USH2A: variants seen among roughly 807,000 people sequenced by gnomAD.
The protein encoded by USH2A is usherin.
A neutral mutation model predicts 538.9 loss-of-function variants in USH2A; 443 were observed. The ratio of observed to expected loss-of-function variants is 0.82; its 90% CI spans 0.76 to 0.89. The LOEUF (loss-of-function observed/expected upper bound fraction) is 0.89. Ranked by LOEUF, USH2A falls within the 40% of genes least tolerant of loss-of-function variation. The pLI, the probability that USH2A is intolerant of heterozygous loss-of-function variation, is 0.00. For missense variants in USH2A, 6,633 were observed against 6,324.8 expected (o/e 1.05, Z -1.65); for synonymous variants, 2,413 against 2,273.5 (o/e 1.06, Z -1.75).
chr1:215,755,695 C>T (rs931761959), intron 58 of USH2A, among the ~76,000 whole-genome samples: 4 of 152,206 alleles, frequency 2.6e-5, no homozygotes, highest in East Asian at 3.9e-4. Flanking sequence ...GATTTATTAA[C>T]CATTGGTTAA....
At chr1:216,033,422 C>G (rs1447888600) in intron 32 of USH2A, among the ~76,000 whole-genome samples, 19 of 152,098 alleles carry the variant, frequency 1.2e-4, no homozygotes, top group Admixed American at 1.2e-3. Context: ...AAATTCCAGT[C>G]AGAGTGAACA....
chr1:216,315,068 C>T (rs1001420809), intron 9 of USH2A, among the ~76,000 whole-genome samples: 5 of 152,132 alleles, frequency 3.3e-5, no homozygotes, highest in Admixed American at 2.0e-4. Flanking sequence ...TTCTATTCAA[C>T]ACTTGAACTC....
intron 38 of USH2A, among the ~76,000 whole-genome samples, chr1:215,924,354 T>C (rs1372263933): frequency 6.6e-6 from 1 of 152,106 alleles, no homozygotes; most frequent in African/African-American, 2.4e-5. Context: ...ATGCTGCTGA[T>C]GAAAAGAGGT....
chr1:216,398,799 G>A (rs2039260292), intron 3 of USH2A, among the ~76,000 whole-genome samples: 1 of 152,174 alleles, frequency 6.6e-6, no homozygotes, highest in Non-Finnish European at 1.5e-5. Flanking sequence ...CAAACAGAGA[G>A]CTGATCTTCC....
intron 21 of USH2A, among the ~76,000 whole-genome samples, chr1:216,154,474 G>A (rs1329622442): frequency 6.6e-6 from 1 of 152,056 alleles, no homozygotes; most frequent in African/African-American, 2.4e-5. Flanking sequence ...TAAATCAATG[G>A]TTCCCATACT....
intron 51 of USH2A, 43 bp from the exon 52 acceptor site, chr1:215,786,917 A>G (rs1661820497): frequency 6.3e-7 from 1 of 1,596,182 alleles, no homozygotes; most frequent in South Asian, 1.1e-5. Flanking sequence ...GGTATTTAAA[A>G]ATTTCATTTA....
chr1:216,369,044 A>G (rs2038652775), intron 3 of USH2A, among the ~76,000 whole-genome samples: 1 of 152,208 alleles, frequency 6.6e-6, no homozygotes, highest in Non-Finnish European at 1.5e-5. Context: ...ATCATTTTGA[A>G]TGCTAAGAAA....
chr1:215,806,876 C>T (rs944503236), intron 49 of USH2A, among the ~76,000 whole-genome samples: 11 of 152,016 alleles, frequency 7.2e-5, no homozygotes, highest in African/African-American at 2.2e-4. Flanking sequence ...TATATTCTTG[C>T]ACTCAGGCTC....
At chr1:215,719,424 C>T (rs1182429796) in intron 61 of USH2A, among the ~76,000 whole-genome samples, 1 of 148,792 alleles carries the variant, frequency 6.7e-6, no homozygotes, top group African/African-American at 2.5e-5. Flanking sequence ...GAAATAGAAC[C>T]TAATCCAGTA....
chr1:216,054,207 A>G (rs1404253009), intron 30 of USH2A, among the ~76,000 whole-genome samples: 1 of 152,170 alleles, frequency 6.6e-6, no homozygotes, highest in Non-Finnish European at 1.5e-5. Context: ...TATTTCTCTC[A>G]CTATAGGAGA....
At chr1:215,974,587 A>G (rs939346283) in intron 35 of USH2A, among the ~76,000 whole-genome samples, 1 of 152,130 alleles carries the variant, frequency 6.6e-6, no homozygotes, top group Non-Finnish European at 1.5e-5. Context: ...AGAATATGCA[A>G]TATTTGTTTT....
intron 21 of USH2A, among the ~76,000 whole-genome samples, chr1:216,136,534 C>T (rs548402711): frequency 6.6e-6 from 1 of 152,084 alleles, no homozygotes; most frequent in African/African-American, 2.4e-5. Flanking sequence ...TTTACTTTCT[C>T]GTCAGTTATG....
At chr1:216,078,440 A>T in intron 26 of USH2A, 78 bp from the exon 27 acceptor site, 1 of 1,413,676 alleles carries the variant, frequency 7.1e-7, no homozygotes. Context: ...CAGAAAGTCA[A>T]TTTCTTGAAG....
chr1:216,108,104 T>C (rs2102583176), intron 21 of USH2A, among the ~76,000 whole-genome samples: 1 of 151,996 alleles, frequency 6.6e-6, no homozygotes, highest in African/African-American at 2.4e-5. Context: ...TTCCTCACAC[T>C]TGAGTTATTA....
chr1:216,334,448 C>G (rs2037931550), intron 4 of USH2A, among the ~76,000 whole-genome samples: 2 of 152,030 alleles, frequency 1.3e-5, no homozygotes, highest in Middle Eastern at 3.4e-3. Flanking sequence ...AAAAAACCAA[C>G]AGCAAAGTGA....
intron 52 of USH2A, among the ~76,000 whole-genome samples, chr1:215,783,997 C>A (rs567136276): frequency 6.6e-5 from 10 of 152,268 alleles, no homozygotes; most frequent in African/African-American, 2.4e-4. Context: ...AATTATGGGG[C>A]AGAACTTCAT....
chr1:216,123,704 C>T (rs2033183317), intron 21 of USH2A, among the ~76,000 whole-genome samples: 1 of 152,124 alleles, frequency 6.6e-6, no homozygotes, highest in Admixed American at 6.6e-5. Flanking sequence ...TCCTGACTTA[C>T]ACAGCCCAAT....
intron 3 of USH2A, among the ~76,000 whole-genome samples, chr1:216,379,731 C>G (rs1057027893): frequency 1.3e-5 from 2 of 152,134 alleles, no homozygotes; most frequent in African/African-American, 4.8e-5. Context: ...ATCAATTGAC[C>G]TGAAAGCTAG....
chr1:216,243,745 T>C (rs151316438), intron 13 of USH2A, among the ~76,000 whole-genome samples: 2 of 152,338 alleles, frequency 1.3e-5, no homozygotes, highest in African/African-American at 4.8e-5. Context: ...GTTTTCTCAG[T>C]CTGGTACATT....
Sources: gnomAD v4.1 joint callset for allele counts (sites outside exome capture counted in the v4.1 genomes callset) on GRCh38, gnomAD v4.1.1 for gene constraint, MANE v1.5 for transcripts, NCBI Gene and HGNC (gene_info 2026-07-23, HGNC 2026-07-21) for gene names.